ZNF804B: variants seen among roughly 807,000 people sequenced by gnomAD.
ZNF804B encodes zinc finger protein 804B.
In ZNF804B, 80 loss-of-function variants were observed where a neutral mutation model predicts 101.4. The observed-to-expected ratio is 0.79, with a 90% CI of 0.66 to 0.95. ZNF804B has a LOEUF of 0.95. ZNF804B is among the 40% of genes least tolerant of loss of function. ZNF804B has a pLI of 0.00. For missense variants in ZNF804B, 1,673 were observed against 1,561.9 expected (o/e 1.07, Z -1.20); for synonymous variants, 622 against 558.8 (o/e 1.11, Z -1.59).
At chr7:89,103,048 G>GTTTTTTTTTTTTTTTTT (rs56693128) in intron 1 of ZNF804B, among the ~76,000 whole-genome samples, 1 of 33,726 alleles carries the variant, frequency 3.0e-5, no homozygotes, top group Admixed American at 5.5e-4. Context: ...CTATGTGTCT[G>GTTTTTTTTTTTTTTTTT]TTTTTTTTTT....
At chr7:88,915,107 T>A (rs1466311276) in intron 1 of ZNF804B, among the ~76,000 whole-genome samples, 1 of 152,152 alleles carries the variant, frequency 6.6e-6, no homozygotes, top group Non-Finnish European at 1.5e-5. Flanking sequence ...TTTAGGTAAC[T>A]GAGCACCATT....
chr7:89,078,109 G>C (rs575617371), intron 1 of ZNF804B, among the ~76,000 whole-genome samples: 1 of 152,052 alleles, frequency 6.6e-6, no homozygotes, highest in African/African-American at 2.4e-5. Context: ...AAATGTTTAC[G>C]AACTTAGTAA....
chr7:89,268,587 A>G (rs1340537330), intron 2 of ZNF804B, among the ~76,000 whole-genome samples: 1 of 151,554 alleles, frequency 6.6e-6, no homozygotes, highest in Admixed American at 6.6e-5. Context: ...TTTTTCAAGT[A>G]GACATTTTCT....
intron 2 of ZNF804B, among the ~76,000 whole-genome samples, chr7:89,253,435 G>A (rs1022751586): frequency 1.2e-4 from 18 of 152,086 alleles, no homozygotes; most frequent in Non-Finnish European, 2.5e-4. Context: ...ATGTTATGCA[G>A]CTAATAAAAG....
At chr7:89,095,541 A>G (rs1028962595) in intron 1 of ZNF804B, among the ~76,000 whole-genome samples, 1 of 152,210 alleles carries the variant, frequency 6.6e-6, no homozygotes, top group Admixed American at 6.5e-5. Context: ...TTATGTAGTC[A>G]TGCACAAGTC....
At chr7:88,983,196 A>T (rs1793716582) in intron 1 of ZNF804B, among the ~76,000 whole-genome samples, 2 of 151,924 alleles carry the variant, frequency 1.3e-5, no homozygotes. Context: ...AGCAATGAAG[A>T]CTCTCAGGTC....
chr7:89,084,651 A>C (rs923627720), intron 1 of ZNF804B, among the ~76,000 whole-genome samples: 2 of 151,972 alleles, frequency 1.3e-5, no homozygotes, highest in African/African-American at 4.8e-5. Flanking sequence ...TCAGGTATGA[A>C]GGATACATTG....
At chr7:88,881,159 A>G (rs937343156) in intron 1 of ZNF804B, among the ~76,000 whole-genome samples, 1 of 152,116 alleles carries the variant, frequency 6.6e-6, no homozygotes, top group South Asian at 2.1e-4. Flanking sequence ...TTAATGGACT[A>G]TAGGTTATTT....
Position 88,848,286 on chromosome 7 carries a change from G to A in ZNF804B, c.108+88202G>A, listed in dbSNP as rs192069949. On this transcript the variant is annotated intron_variant, in intron 1 of 3. Coordinates refer to ENST00000333190, the MANE Select transcript of ZNF804B (RefSeq NM_181646.5). ...AAAGAGATGAAGCTCAACAGGCAGA[G>A]TGTCCACATTATGGGGGCAGAAGGA... Among the ~76,000 whole-genome samples the A allele has an allele frequency of 1.8e-3, 280 of 152,316 alleles. 1 individual carries two copies. Among genetic ancestry groups the A allele is most frequent in the Admixed American group, 3.7e-3 (56 of 15,290 alleles).
At chr7:88,912,858 T>C (rs1220626600) in intron 1 of ZNF804B, among the ~76,000 whole-genome samples, 1 of 152,224 alleles carries the variant, frequency 6.6e-6, no homozygotes, top group African/African-American at 2.4e-5. Context: ...CGCATTAATA[T>C]TGATTTGTGA....
At chr7:88,794,584 T>C (rs1377442936) in intron 1 of ZNF804B, 1 of 1,613,690 alleles carries the variant, frequency 6.2e-7, no homozygotes, top group Non-Finnish European at 8.5e-7. Context: ...TACTGTTTCA[T>C]CTTTGACATG....
chr7:89,185,641 A>AACTGAGGTT (rs903892885), intron 1 of ZNF804B, among the ~76,000 whole-genome samples: 1 of 152,152 alleles, frequency 6.6e-6, no homozygotes, highest in African/African-American at 2.4e-5. Context: ...CAGGTGGATC[A>AACTGAGGTT]ACTGAGGTTG....
chr7:89,330,430 T>C (rs1457578605), intron 3 of ZNF804B, among the ~76,000 whole-genome samples: 1 of 151,666 alleles, frequency 6.6e-6, no homozygotes, highest in Non-Finnish European at 1.5e-5. Context: ...AATTAATTTG[T>C]TTGCATACAT....
chr7:89,217,216 A>C (rs758896), intron 1 of ZNF804B, among the ~76,000 whole-genome samples: 89,513 of 152,052 alleles, frequency 0.59, 26,865 homozygotes, highest in African/African-American at 0.63. Flanking sequence ...GTTTGATAAA[A>C]TATGATACAG....
intron 1 of ZNF804B, among the ~76,000 whole-genome samples, chr7:88,947,978 A>G (rs528096126): frequency 1.2e-3 from 190 of 152,128 alleles, no homozygotes; most frequent in Admixed American, 7.5e-3. Flanking sequence ...AATTTTCTTA[A>G]TAATATCTGT....
chr7:88,905,095 G>A (rs1792448419), intron 1 of ZNF804B, among the ~76,000 whole-genome samples: 1 of 152,102 alleles, frequency 6.6e-6, no homozygotes, highest in African/African-American at 2.4e-5. Flanking sequence ...TGTTGTATAT[G>A]GCTCTTGTTA....
rs538636573 is a variant in ZNF804B at position 89,210,023 on chromosome 7, C to A, written c.109-8132C>A. Among the ~76,000 whole-genome samples, 3 of 152,036 alleles carry A rather than the reference C, an allele frequency of 2.0e-5. No homozygotes were observed. In the South Asian group the frequency reaches 6.2e-4, roughly 32 times the overall value. On this transcript the variant is annotated intron_variant, in intron 1 of 3. Coordinates refer to ENST00000333190, the MANE Select transcript of ZNF804B (RefSeq NM_181646.5). ...AATTAGCTGAGCGTGGTGGCATGCACCTGTAGTCCCAGCTACTCAGGAGGC... is the reference window on the plus strand; with the variant it reads ...AATTAGCTGAGCGTGGTGGCATGCAACTGTAGTCCCAGCTACTCAGGAGGC...
intron 1 of ZNF804B, among the ~76,000 whole-genome samples, chr7:89,142,228 G>A (rs191587009): frequency 7.2e-5 from 11 of 151,862 alleles, no homozygotes; most frequent in African/African-American, 2.7e-4. Context: ...AAAAAAAGAA[G>A]GATTCTCTGG....
chr7:89,256,331 A>T (rs1033375551), intron 2 of ZNF804B, among the ~76,000 whole-genome samples: 1 of 152,178 alleles, frequency 6.6e-6, no homozygotes, highest in Non-Finnish European at 1.5e-5. Context: ...AGGCGAAAGG[A>T]TTGCTTAAGC....
Sources: allele counts gnomAD v4.1 joint callset (sites outside exome capture counted in the v4.1 genomes callset), GRCh38; gene constraint gnomAD v4.1.1; transcripts MANE v1.5; gene names NCBI Gene and HGNC (gene_info 2026-07-23, HGNC 2026-07-21).